The following DZIP1 variants were observed in gnomAD, a reference collection of about 807,000 sequenced individuals.
DZIP1 encodes DAZ interacting zinc finger protein 1, also known as cilium assembly protein DZIP1.
A neutral mutation model predicts 107.6 loss-of-function variants in DZIP1; 97 were observed. The observed-to-expected ratio is 0.90, with a 90% CI of 0.77 to 1.07. The LOEUF is 1.07. Among genes scored for constraint, DZIP1 ranks in the 50% least tolerant of loss-of-function variants. The pLI, the probability that DZIP1 is intolerant of heterozygous loss-of-function variation, is 0.00. For missense variants in DZIP1, 1,035 were observed against 1,063.6 expected, an observed-to-expected ratio of 0.97 and a Z score of 0.37; for synonymous variants, 390 against 386.4, an observed-to-expected ratio of 1.01 and a Z score of -0.11.
Position 95,628,579 on chromosome 13 carries a change from C to T in DZIP1, c.810+1410G>A, listed in dbSNP as rs538278781. ...ACTGTCTAAAAGAGATGTTGGTATA[C>T]CCTTGTTCATAGCAGCATCAGTCAT... On this transcript the variant is annotated intron_variant, in intron 7 of 22. Transcript: ENST00000376829. Among the ~76,000 whole-genome samples, 172 of 152,228 alleles carry T rather than the reference C, an allele frequency of 1.1e-3. 2 individuals carry two copies. Among genetic ancestry groups the T allele is most frequent in the African/African-American group, 3.9e-3 (164 of 41,532 alleles).
At chr13:95,603,403 C>T (rs1445256600) in intron 14 of DZIP1, among the ~76,000 whole-genome samples, 2 of 150,022 alleles carry the variant, frequency 1.3e-5, no homozygotes, top group East Asian at 4.0e-4. Context: ...ATAAGCCCCT[C>T]ACAATTTATA....
chr13:95,644,129 C>T (rs1878841808), intron 1 of DZIP1, among the ~76,000 whole-genome samples: 1 of 152,226 alleles, frequency 6.6e-6, no homozygotes, highest in African/African-American at 2.4e-5. Flanking sequence ...CGCCTCAAGT[C>T]CCAGGCGCAT....
At chr13:95,601,086 T>A (rs911253608) in intron 14 of DZIP1, among the ~76,000 whole-genome samples, 47 of 152,176 alleles carry the variant, frequency 3.1e-4, no homozygotes, top group African/African-American at 1.0e-3. Context: ...TATTTATTAT[T>A]TTATAACAGG....
chr13:95,589,727 G>A (rs192661875), intron 18 of DZIP1, 76 bp downstream of exon 18: 4 of 1,533,536 alleles, frequency 2.6e-6, no homozygotes, highest in Admixed American at 2.1e-5. Flanking sequence ...AAGCCACCCA[G>A]TCTATGGTAT....
chr13:95,606,158 A>T (rs1203076871), intron 13 of DZIP1, 99 bp from the exon 14 acceptor site: 1 of 997,486 alleles, frequency 1.0e-6, no homozygotes, highest in Non-Finnish European at 1.6e-6. Flanking sequence ...TAGTCAAGAT[A>T]CATACAGACC....
At chr13:95,636,046 T>G (rs1263622633) in intron 5 of DZIP1, among the ~76,000 whole-genome samples, 1 of 151,854 alleles carries the variant, frequency 6.6e-6, no homozygotes, top group African/African-American at 2.4e-5. Flanking sequence ...AAAATAAAGC[T>G]TACTGCAGGG....
intron 10 of DZIP1, among the ~76,000 whole-genome samples, chr13:95,617,301 A>G (rs571769287): frequency 1.3e-4 from 20 of 152,272 alleles, no homozygotes; most frequent in African/African-American, 4.8e-4. Context: ...GTCAACAGCC[A>G]TGCTGTGCAC....
At chr13:95,587,921 GC>G in intron 19 of DZIP1, 192 bp from the exon 20 acceptor site, 1 of 576,128 alleles carries the variant, frequency 1.7e-6, no homozygotes. Flanking sequence ...ATCCTCCCAC[GC>G]CCAGATCTCT....
In DZIP1 at chr13:95,582,815, T is replaced by C. The variant is rs937539681; in HGVS notation, c.2525-502A>G. Among the ~76,000 whole-genome samples the C allele has an allele frequency of 8.9e-4, 135 of 152,306 alleles. 11 individuals are homozygous for C. Among genetic ancestry groups the C allele is most frequent in the South Asian group, 4.1e-4 (2 of 4,828 alleles). On this transcript the variant is annotated intron_variant, in intron 22 of 22. Coordinates refer to ENST00000376829, the MANE Select transcript of DZIP1 (RefSeq NM_198968.4). Reference sequence around the variant, plus strand: ...TGAAATAGAGTGCAGAGAATTCCACTCAAGTTTGACTCTAGAAATGTGTTC... The same window carrying C: ...TGAAATAGAGTGCAGAGAATTCCACCCAAGTTTGACTCTAGAAATGTGTTC...
chr13:95,628,476 A>G (rs1340026980), intron 7 of DZIP1, among the ~76,000 whole-genome samples: 1 of 152,172 alleles, frequency 6.6e-6, no homozygotes, highest in Non-Finnish European at 1.5e-5. Context: ...GGGTGTTGAA[A>G]GTTTTGAAAC....
chr13:95,620,007 G>A lies in DZIP1; in HGVS notation c.1111-60C>T, dbSNP rs1171934434. On this transcript the variant is annotated intron_variant, in intron 9 of 22. Transcript: ENST00000376829. ...TGTAACAATGAGATCTATGCAATAT[G>A]GGAGCTTCCTTTTTAGTGAATACCT... 8 of 1,567,560 alleles carry A rather than the reference G, an allele frequency of 5.1e-6. No individual in the cohort carries two copies. In the African/African-American group the frequency reaches 1.1e-4, roughly 21 times the overall value.
chr13:95,607,129 C>A (rs1016035886), intron 13 of DZIP1, among the ~76,000 whole-genome samples: 2 of 152,160 alleles, frequency 1.3e-5, no homozygotes, highest in Non-Finnish European at 2.9e-5. Flanking sequence ...TCACTACAAC[C>A]TTTGCCTCCT....
In DZIP1 at chr13:95,588,938, AT is replaced by A. The variant is rs550869009; in HGVS notation, c.2027+215del. Among the ~76,000 whole-genome samples, 65 of 152,342 alleles carry A rather than the reference AT, an allele frequency of 4.3e-4. No individual in the cohort carries two copies. In the South Asian group the frequency reaches 5.0e-3, roughly 12 times the overall value. On this transcript the variant is annotated intron_variant, in intron 19 of 22. Transcript: ENST00000376829. ...AATGACTCAGGTGTCTTGCTTCTTAATGGAGTCCACATGTGGTTAAGGGCTA... is the reference window on the plus strand; with the variant it reads ...AATGACTCAGGTGTCTTGCTTCTTAAGGAGTCCACATGTGGTTAAGGGCTA...
intron 16 of DZIP1, among the ~76,000 whole-genome samples, chr13:95,592,126 G>T (rs761229710): frequency 1.3e-5 from 2 of 151,920 alleles, no homozygotes; most frequent in African/African-American, 4.8e-5. Flanking sequence ...AATGATATTG[G>T]GACACCTGAT....
At chr13:95,634,368 C>T (rs545793893) in intron 5 of DZIP1, among the ~76,000 whole-genome samples, 1 of 152,220 alleles carries the variant, frequency 6.6e-6, no homozygotes, top group African/African-American at 2.4e-5. Flanking sequence ...ATCTCACTGG[C>T]TAATATTTTC....
intron 7 of DZIP1, among the ~76,000 whole-genome samples, chr13:95,626,256 C>T (rs1039226067): frequency 6.6e-6 from 1 of 152,010 alleles, no homozygotes; most frequent in African/African-American, 2.4e-5. Flanking sequence ...AAAGATAAAG[C>T]AAAGAACAGG....
At chr13:95,618,501 A>T (rs907702383) in intron 10 of DZIP1, among the ~76,000 whole-genome samples, 2 of 152,268 alleles carry the variant, frequency 1.3e-5, no homozygotes, top group African/African-American at 4.8e-5. Flanking sequence ...TAGCAATGAT[A>T]CAATCTTAAA....
rs148355458 is a variant in DZIP1 at position 95,612,139 on chromosome 13, T to C, written c.1212A>G (p.Ile404Met). 2 of 1,613,100 alleles carry C rather than the reference T, an allele frequency of 1.2e-6. No individual in the cohort carries two copies. Among genetic ancestry groups the C allele is most frequent in the African/African-American group, 2.7e-5 (2 of 74,930 alleles). ...AAACATTGCTTGCATTTAGATCATC[T>C]ATCATTGAGGTTCGAAGTTTCTCTA... ...SHIEKLRTSM[I>M]DDLNASNVFY... The change falls in exon 11 of 23, where the codon ATA becomes ATG. Residue 404 changes from isoleucine to methionine, a missense_variant. Coordinates refer to ENST00000376829, the MANE Select transcript of DZIP1 (RefSeq NM_198968.4).
intron 10 of DZIP1, among the ~76,000 whole-genome samples, chr13:95,612,463 A>G (rs2045044623): frequency 6.6e-6 from 1 of 152,212 alleles, no homozygotes; most frequent in Admixed American, 6.5e-5. Context: ...ATGAGCAACG[A>G]TAAAGGATTC....
Sources: allele counts gnomAD v4.1 joint callset (sites outside exome capture counted in the v4.1 genomes callset), GRCh38; gene constraint gnomAD v4.1.1; transcripts MANE v1.5; gene names NCBI Gene and HGNC (gene_info 2026-07-23, HGNC 2026-07-21).